The following STAG1 variants were observed in gnomAD, a reference collection of about 807,000 sequenced individuals.
STAG1 encodes cohesin subunit SA-1.
In STAG1, 26 loss-of-function variants were observed where a neutral mutation model predicts 170.9. The ratio of observed to expected loss-of-function variants is 0.15; its 90% CI spans 0.11 to 0.21. The LOEUF (loss-of-function observed/expected upper bound fraction) is 0.21, where lower values mean the gene tolerates loss of function less well. Among genes scored for constraint, STAG1 ranks in the 10% least tolerant of loss-of-function variants. STAG1 has a pLI of 1.00. For synonymous variants in STAG1, 514 were observed against 497.7 expected (o/e 1.03, Z -0.44); for missense variants, 964 against 1,509.5 (o/e 0.64, Z 5.99).
chr3:136,409,753 C>T (rs964146112), intron 21 of STAG1, among the ~76,000 whole-genome samples: 1 of 152,048 alleles, frequency 6.6e-6, no homozygotes, highest in African/African-American at 2.4e-5. Flanking sequence ...CCATTAACTG[C>T]CATTAAAACA....
intron 10 of STAG1, among the ~76,000 whole-genome samples, chr3:136,474,438 T>G (rs1211279257): frequency 6.6e-6 from 1 of 152,208 alleles, no homozygotes; most frequent in Non-Finnish European, 1.5e-5. Flanking sequence ...TTCTTGTTTA[T>G]AAAATTATCG....
intron 4 of STAG1, among the ~76,000 whole-genome samples, chr3:136,588,222 G>C (rs931258863): frequency 6.6e-6 from 1 of 152,130 alleles, no homozygotes; most frequent in Non-Finnish European, 1.5e-5. Flanking sequence ...TGGTCTGATG[G>C]TAGTGGGTTA....
At chr3:136,669,997 T>G (rs1941929796) in intron 1 of STAG1, among the ~76,000 whole-genome samples, 1 of 152,166 alleles carries the variant, frequency 6.6e-6, no homozygotes, top group Non-Finnish European at 1.5e-5. Context: ...TTCAGGAAAT[T>G]TTCAATGACT....
intron 7 of STAG1, among the ~76,000 whole-genome samples, chr3:136,507,804 G>A (rs908084583): frequency 2.0e-5 from 3 of 152,094 alleles, no homozygotes; most frequent in African/African-American, 7.2e-5. Flanking sequence ...TCTGAAGATT[G>A]AGTGTCAAGA....
At position 136,336,338 on chromosome 3, in the gene STAG1, A is replaced by T. The variant is rs1935678620; in HGVS notation, c.*1916T>A. On this transcript the variant is annotated 3_prime_UTR_variant, in exon 34 of 34. Transcript: ENST00000383202. ...CAAATGTACAATTTACAGAATTACT[A>T]GCAAAACCAATCAAGGAGACACCGA... The T allele has an allele frequency of 6.6e-6, 1 of 152,278 alleles. No homozygotes were observed. The highest frequency in any genetic ancestry group is 2.4e-5 in the African/African-American group (1 of 41,478). The allele number at this position is 152,278 out of a possible 1,614,324, so 9.4% of individuals were successfully genotyped here.
intron 5 of STAG1, among the ~76,000 whole-genome samples, chr3:136,566,970 G>C (rs1937098923): frequency 6.6e-6 from 1 of 152,122 alleles, no homozygotes; most frequent in Non-Finnish European, 1.5e-5. Flanking sequence ...CGACAGGTGA[G>C]GTGGAGAAGG....
At chr3:136,387,027 AT>A (rs2086890054) in intron 22 of STAG1, among the ~76,000 whole-genome samples, 1 of 145,864 alleles carries the variant, frequency 6.9e-6, no homozygotes, top group Admixed American at 6.8e-5. Context: ...ATCAATTTTC[AT>A]GATGAAAAGG....
chr3:136,411,541 T>C (rs1038655807), intron 21 of STAG1, among the ~76,000 whole-genome samples: 1 of 152,224 alleles, frequency 6.6e-6, no homozygotes, highest in Non-Finnish European at 1.5e-5. Context: ...GTTACACAAC[T>C]GCAATCACTT....
chr3:136,496,417 A>G (rs78905294), intron 9 of STAG1, among the ~76,000 whole-genome samples: 1 of 152,348 alleles, frequency 6.6e-6, no homozygotes, highest in Admixed American at 6.5e-5. Flanking sequence ...ACAAATCTCA[A>G]TAAATTTAGA....
intron 1 of STAG1, among the ~76,000 whole-genome samples, chr3:136,713,705 T>C (rs1209187710): frequency 1.3e-5 from 2 of 150,592 alleles, no homozygotes; most frequent in African/African-American, 2.5e-5. Context: ...CTGGGCAATA[T>C]AGCAAGATCC....
intron 5 of STAG1, among the ~76,000 whole-genome samples, chr3:136,564,379 G>T (rs967713684): frequency 6.6e-6 from 1 of 151,972 alleles, no homozygotes; most frequent in African/African-American, 2.4e-5. Context: ...GCTTTCCCCC[G>T]CCACAGCCTG....
intron 3 of STAG1, among the ~76,000 whole-genome samples, chr3:136,614,401 G>T (rs1414026599): frequency 6.6e-6 from 1 of 152,116 alleles, no homozygotes; most frequent in African/African-American, 2.4e-5. Flanking sequence ...GTTCATTACT[G>T]CAGGTAATTC....
chr3:136,732,237 TAAA>T (rs71134406), intron 1 of STAG1, among the ~76,000 whole-genome samples: 2 of 85,754 alleles, frequency 2.3e-5, no homozygotes, highest in Non-Finnish European at 2.4e-5. Context: ...TATCCACAAC[TAAA>T]AAAAAAAAAA....
At chr3:136,521,168 G>T in intron 7 of STAG1, 45 bp downstream of exon 7, 1 of 1,477,612 alleles carries the variant, frequency 6.8e-7, no homozygotes, top group Non-Finnish European at 9.4e-7. Context: ...ATAAAACATA[G>T]TCAACAAAAC....
chr3:136,499,045 A>G lies in STAG1; in HGVS notation c.902+1178T>C, dbSNP rs142331119. 8.3e-4 allele frequency among the ~76,000 whole-genome samples: 127 copies of G among 152,310 alleles called. 1 individual carries two copies. The Middle Eastern group carries it at 0.01, about 12-fold the overall frequency. On this transcript the variant is annotated intron_variant, in intron 9 of 33. Transcript: ENST00000383202. ...TGTCTCTGAGTAATCTGCATATTCA[A>G]CAAGTTAGACCTCCATGTAAACAGG... is the stretch of plus-strand genomic sequence containing the variant.
At chr3:136,708,967 C>CT (rs61595071) in intron 1 of STAG1, among the ~76,000 whole-genome samples, 9,991 of 85,798 alleles carry the variant, frequency 0.12, 1,610 homozygotes, top group East Asian at 0.16. Context: ...CTGCAGCTGG[C>CT]TTTTTTTTTT....
chr3:136,360,890 G>A (rs557226371), intron 26 of STAG1, among the ~76,000 whole-genome samples: 1 of 151,990 alleles, frequency 6.6e-6, no homozygotes, highest in South Asian at 2.1e-4. Flanking sequence ...GGATGGTCTC[G>A]ATCTCCTGAT....
intron 6 of STAG1, among the ~76,000 whole-genome samples, chr3:136,535,056 C>T (rs1935553786): frequency 6.6e-6 from 1 of 152,178 alleles, no homozygotes; most frequent in African/African-American, 2.4e-5. Flanking sequence ...TAACAGGATA[C>T]TATTTGGTTA....
chr3:136,526,586 T>A (rs56125228), intron 6 of STAG1, among the ~76,000 whole-genome samples: 12 of 151,952 alleles, frequency 7.9e-5, no homozygotes, highest in African/African-American at 2.9e-4. Flanking sequence ...GAGCATTTAG[T>A]CCATTTACAT....
Sources: gnomAD v4.1 joint callset for allele counts (sites outside exome capture counted in the v4.1 genomes callset) on GRCh38, gnomAD v4.1.1 for gene constraint, MANE v1.5 for transcripts, NCBI Gene and HGNC (gene_info 2026-07-23, HGNC 2026-07-21) for gene names.